The following RTN4RL1 variants were observed in gnomAD, a reference collection of about 807,000 sequenced individuals.
RTN4RL1 encodes reticulon-4 receptor-like 1.
Under a neutral mutation model 25.6 loss-of-function variants are expected in RTN4RL1, and 7 were observed. The observed-to-expected ratio is 0.27, with a 90% confidence interval of 0.16 to 0.51. The LOEUF (loss-of-function observed/expected upper bound fraction) is 0.51. Ranked by LOEUF, RTN4RL1 falls within the 20% of genes least tolerant of loss-of-function variation. The pLI, the probability that RTN4RL1 is intolerant of heterozygous loss-of-function variation, is 0.97. For missense variants in RTN4RL1, 500 were observed against 615.6 expected (o/e 0.81, Z 1.99); for synonymous variants, 297 against 288.2 (o/e 1.03, Z -0.31).
At chr17:1,967,143 C>T (rs559474164) in intron 1 of RTN4RL1, among the ~76,000 whole-genome samples, 17 of 149,246 alleles carry the variant, frequency 1.1e-4, no homozygotes, top group African/African-American at 3.4e-4. Context: ...AGGCTCCCGC[C>T]GCTCCTCCCC....
At chr17:2,015,256 T>C (rs1325118168) in intron 1 of RTN4RL1, among the ~76,000 whole-genome samples, 1 of 151,916 alleles carries the variant, frequency 6.6e-6, no homozygotes, top group Non-Finnish European at 1.5e-5. Flanking sequence ...TGGAGAGCAA[T>C]GGTGCCAGAT....
intron 1 of RTN4RL1, among the ~76,000 whole-genome samples, chr17:1,968,626 T>C (rs1424226292): frequency 1.3e-5 from 2 of 152,044 alleles, no homozygotes; most frequent in African/African-American, 4.8e-5. Flanking sequence ...TGTGCCATGT[T>C]CCCTCCCATC....
chr17:1,949,208 G>A lies in RTN4RL1; in HGVS notation c.14-11400C>T, dbSNP rs145762215. Among the ~76,000 whole-genome samples, 19 of 152,110 alleles carry A rather than the reference G, an allele frequency of 1.2e-4. No individual in the cohort carries two copies. The East Asian group carries it at 1.9e-3, about 15-fold the overall frequency. On this transcript the variant is annotated intron_variant, in intron 1 of 1. Transcript: ENST00000331238. Reference sequence around the variant, plus strand: ...AATCTCCGAACCTCATGATCTGCCCGCCTCGGCCTCCCTAAGTGCTGGGAT... The same window carrying A: ...AATCTCCGAACCTCATGATCTGCCCACCTCGGCCTCCCTAAGTGCTGGGAT...
At chr17:1,984,286 G>A (rs1223360060) in intron 1 of RTN4RL1, among the ~76,000 whole-genome samples, 1 of 152,238 alleles carries the variant, frequency 6.6e-6, no homozygotes, top group Non-Finnish European at 1.5e-5. Flanking sequence ...CAAGGCCGCT[G>A]CTCTGCTCTG....
chr17:1,955,367 C>A (rs971333846), intron 1 of RTN4RL1, among the ~76,000 whole-genome samples: 22 of 151,796 alleles, frequency 1.4e-4, no homozygotes, highest in African/African-American at 5.3e-4. Flanking sequence ...ATAGCCTGGG[C>A]AACATAGTGA....
At chr17:2,023,979 G>A (rs938410466) in intron 1 of RTN4RL1, among the ~76,000 whole-genome samples, 1 of 152,134 alleles carries the variant, frequency 6.6e-6, no homozygotes, top group African/African-American at 2.4e-5. Flanking sequence ...GAGGGGAGAG[G>A]CAGACGCAGA....
intron 1 of RTN4RL1, among the ~76,000 whole-genome samples, chr17:1,948,915 C>A (rs1418222987): frequency 1.3e-5 from 2 of 151,990 alleles, no homozygotes; most frequent in African/African-American, 4.8e-5. Context: ...GCCTCAGCCT[C>A]CTGAGTAGCT....
At chr17:1,952,944 G>GCA (rs1170007369) in intron 1 of RTN4RL1, among the ~76,000 whole-genome samples, 1 of 151,812 alleles carries the variant, frequency 6.6e-6, no homozygotes, top group East Asian at 2.0e-4. Context: ...GGGTGTGGTG[G>GCA]CGTGCCTCTG....
rs1257655539 is a variant in RTN4RL1, at chr17:1,936,413, C to T, written c.*83G>A. ...AGCCTTTTCCTGAAACCCAGCAGAT[C>T]TTCCACTTGTTAAAAAAAGAAGAAA... On this transcript the variant is annotated 3_prime_UTR_variant, in exon 2 of 2. Coordinates refer to ENST00000331238, the MANE Select transcript of RTN4RL1 (RefSeq NM_178568.4). 5 of 1,460,286 alleles carry T rather than the reference C, an allele frequency of 3.4e-6. No individual in the cohort carries two copies. The highest frequency in any genetic ancestry group is 2.1e-4 in the Middle Eastern group (1 of 4,782). 90.5% of individuals were successfully genotyped at this position (1,460,286 alleles called of 1,614,324 possible).
Position 1,979,484 on chromosome 17 carries a change from G to GA in RTN4RL1, c.14-41677dup, listed in dbSNP as rs1328711168. Among the ~76,000 whole-genome samples, 141 of 145,968 alleles carry GA rather than the reference G, an allele frequency of 9.7e-4. 1 individual carries two copies. The highest frequency in any genetic ancestry group is 3.2e-3 in the African/African-American group (127 of 39,334). On this transcript the variant is annotated intron_variant, in intron 1 of 1. Coordinates refer to ENST00000331238, the MANE Select transcript of RTN4RL1 (RefSeq NM_178568.4). ...ACAGCAAGACCCTGTCTAAAAAAAAGAAAAAAAAAGACAAAGAAGGAAAGA... is the reference window on the plus strand; with the variant it reads ...ACAGCAAGACCCTGTCTAAAAAAAAGAAAAAAAAAAGACAAAGAAGGAAAGA...
intron 1 of RTN4RL1, among the ~76,000 whole-genome samples, chr17:1,941,627 G>T (rs910270713): frequency 6.6e-6 from 1 of 152,168 alleles, no homozygotes; most frequent in African/African-American, 2.4e-5. Flanking sequence ...CCGAGCCCGG[G>T]GGAGTGCTCA....
At chr17:1,990,455 G>A (rs544846551) in intron 1 of RTN4RL1, among the ~76,000 whole-genome samples, 1 of 152,236 alleles carries the variant, frequency 6.6e-6, no homozygotes, top group South Asian at 2.1e-4. Flanking sequence ...CAGAACCTTG[G>A]GAGGCTAAGG....
chr17:2,006,077 G>A (rs548913819), intron 1 of RTN4RL1, among the ~76,000 whole-genome samples: 287 of 141,866 alleles, frequency 2.0e-3, no homozygotes, highest in African/African-American at 7.3e-3. Flanking sequence ...GATTACAGGC[G>A]TGAGCCACCA....
At chr17:2,021,508 A>G (rs1268258199) in intron 1 of RTN4RL1, among the ~76,000 whole-genome samples, 1 of 150,456 alleles carries the variant, frequency 6.6e-6, no homozygotes, top group Admixed American at 6.6e-5. Flanking sequence ...TCTGCATATT[A>G]TAGGCAAGAA....
rs1263575616 is a variant in RTN4RL1 at position 1,937,133 on chromosome 17, T to C, written c.689A>G (p.Asn230Ser). The C allele has an allele frequency of 1.2e-6, 2 of 1,611,312 alleles. No homozygotes were observed. Among genetic ancestry groups the C allele is most frequent in the East Asian group, 2.2e-5 (1 of 44,816 alleles). ...LRRLTTLFLF[N>S]NSLSELQGEC... ...ACCCTGCAGCTCCGAGAGGCTGTTG[T>C]TGAAGAGGAAGAGGGTGGTCAGCCT... The change falls in exon 2 of 2, where the codon AAC (asparagine) becomes AGC (serine). Residue 230 changes from asparagine to serine, a missense_variant. Coordinates refer to ENST00000331238, the MANE Select transcript of RTN4RL1 (RefSeq NM_178568.4).
intron 1 of RTN4RL1, among the ~76,000 whole-genome samples, chr17:1,971,040 C>T (rs1048744573): frequency 6.6e-6 from 1 of 152,216 alleles, no homozygotes; most frequent in African/African-American, 2.4e-5. Flanking sequence ...TACCCGACCT[C>T]TTACCCCAAA....
Position 1,974,040 on chromosome 17 carries a change from G to GAAA in RTN4RL1, c.14-36235_14-36233dup, listed in dbSNP as rs57063033. ...GGCGACAGAGCGAGACTCCGTCTCA[G>GAAA]AAAAAAAAAAAAAAAAAAAAGCTAT... On this transcript the variant is annotated intron_variant, in intron 1 of 1. Transcript: ENST00000331238. Among the ~76,000 whole-genome samples the GAAA allele has an allele frequency of 1.8e-3, 179 of 96,862 alleles. 5 individuals are homozygous for GAAA. The highest frequency in any genetic ancestry group is 6.0e-3 in the African/African-American group (148 of 24,838). The allele number at this position is 96,862 out of a possible 152,430, so 63.5% of individuals were successfully genotyped here.
Position 1,967,933 on chromosome 17 carries a change from G to A in RTN4RL1, c.14-30125C>T, listed in dbSNP as rs1047014485. Among the ~76,000 whole-genome samples the A allele has an allele frequency of 8.5e-5, 13 of 152,114 alleles. No individual in the cohort carries two copies. In the East Asian group the frequency reaches 1.4e-3, roughly 16 times the overall value. ...TGGGATTACAGGCGTGAGCCATCGGGCCCGGCCTCCAGTCTCTGTCTTGCC... is the reference window on the plus strand; with the variant it reads ...TGGGATTACAGGCGTGAGCCATCGGACCCGGCCTCCAGTCTCTGTCTTGCC... On this transcript the variant is annotated intron_variant, in intron 1 of 1. Coordinates refer to ENST00000331238, the MANE Select transcript of RTN4RL1 (RefSeq NM_178568.4).
At chr17:1,988,313 G>A (rs576239125) in intron 1 of RTN4RL1, among the ~76,000 whole-genome samples, 80 of 149,782 alleles carry the variant, frequency 5.3e-4, no homozygotes, top group African/African-American at 1.9e-3. Flanking sequence ...GCTGAGGCAG[G>A]AGAATTGCTT....
Sources: allele counts gnomAD v4.1 joint callset (sites outside exome capture counted in the v4.1 genomes callset), GRCh38; gene constraint gnomAD v4.1.1; transcripts MANE v1.5; gene names NCBI Gene and HGNC (gene_info 2026-07-23, HGNC 2026-07-21).